The following ZFHX3 variants were observed in gnomAD, a reference collection of about 807,000 sequenced individuals.
The protein encoded by ZFHX3 is zinc finger homeobox protein 3.
ZFHX3 carries 42 observed loss-of-function variants against 279.1 expected under a neutral mutation model. That is an observed-to-expected ratio of 0.15 (90% CI 0.12 to 0.19). The LOEUF is 0.19. ZFHX3 is among the 10% of genes least tolerant of loss of function. ZFHX3 has a pLI of 1.00. For missense variants in ZFHX3, 4,981 were observed against 4,754.0 expected, an observed-to-expected ratio of 1.05 and a Z score of -1.40; for synonymous variants, 2,293 against 1,957.8, an observed-to-expected ratio of 1.17 and a Z score of -4.52.
chr16:73,272,502 T>C (rs796909102), intron 4 of ZFHX3, among the ~76,000 whole-genome samples: 15 of 152,326 alleles, frequency 9.8e-5, no homozygotes, highest in African/African-American at 3.6e-4. Flanking sequence ...CAGTTCCTAA[T>C]TCAATTTCTT....
chr16:72,858,391 T>A (rs563102101), intron 4 of ZFHX3, among the ~76,000 whole-genome samples: 38 of 152,320 alleles, frequency 2.5e-4, no homozygotes, highest in African/African-American at 8.9e-4. Flanking sequence ...TGGCTTTTTG[T>A]AACCCCCTTA....
intron 2 of ZFHX3, among the ~76,000 whole-genome samples, chr16:73,462,136 T>C (rs2018482477): frequency 6.6e-6 from 1 of 152,198 alleles, no homozygotes; most frequent in Admixed American, 6.5e-5. Flanking sequence ...ATGATGTATT[T>C]TTAATTTGGT....
At chr16:73,834,319 T>C (rs919957833) in intron 1 of ZFHX3, among the ~76,000 whole-genome samples, 7 of 152,202 alleles carry the variant, frequency 4.6e-5, no homozygotes, top group Admixed American at 3.3e-4. Flanking sequence ...TGAAGGATCA[T>C]TTCTTTACTC....
intron 1 of ZFHX3, among the ~76,000 whole-genome samples, chr16:73,714,513 G>A (rs1287182642): frequency 6.6e-6 from 1 of 152,158 alleles, no homozygotes; most frequent in African/African-American, 2.4e-5. Context: ...GTGTCCTCAA[G>A]TCTCCATCCA....
At chr16:73,715,028 C>G (rs1033972594) in intron 1 of ZFHX3, among the ~76,000 whole-genome samples, 2 of 152,212 alleles carry the variant, frequency 1.3e-5, no homozygotes, top group African/African-American at 4.8e-5. Context: ...GCCCTCCCTA[C>G]CCCCATGAAG....
At chr16:72,820,029 A>G (rs2036741954) in intron 5 of ZFHX3, among the ~76,000 whole-genome samples, 1 of 152,190 alleles carries the variant, frequency 6.6e-6, no homozygotes, top group Non-Finnish European at 1.5e-5. Flanking sequence ...AGGCACCTGC[A>G]GGCCTCAGCA....
At chr16:73,313,709 G>C (rs149437552) in intron 4 of ZFHX3, among the ~76,000 whole-genome samples, 2 of 152,300 alleles carry the variant, frequency 1.3e-5, no homozygotes, top group South Asian at 2.1e-4. Context: ...CATGTACACA[G>C]CCCACACTAT....
chr16:73,454,851 A>G (rs2018344708), intron 3 of ZFHX3, among the ~76,000 whole-genome samples: 1 of 152,090 alleles, frequency 6.6e-6, no homozygotes, highest in African/African-American at 2.4e-5. Context: ...AGACTTTTCC[A>G]TCATTTATGA....
chr16:73,093,674 T>C (rs1310481437), intron 7 of ZFHX3: 1 of 409,878 alleles, frequency 2.4e-6, no homozygotes, highest in Non-Finnish European at 5.0e-6. Context: ...ATTACAGCGC[T>C]GATTAAATAC....
chr16:73,259,690 A>G (rs545154198), intron 4 of ZFHX3, among the ~76,000 whole-genome samples: 1 of 152,356 alleles, frequency 6.6e-6, no homozygotes, highest in South Asian at 2.1e-4. Flanking sequence ...TAATTTCAAA[A>G]TTATAGAAAA....
At chr16:73,623,898 C>A (rs2052392149) in intron 2 of ZFHX3, among the ~76,000 whole-genome samples, 1 of 152,150 alleles carries the variant, frequency 6.6e-6, no homozygotes, top group Admixed American at 6.5e-5. Context: ...TATTAATGAA[C>A]CAATCATGTT....
chr16:73,149,773 A>G (rs533803563), intron 5 of ZFHX3, among the ~76,000 whole-genome samples: 49 of 152,328 alleles, frequency 3.2e-4, no homozygotes, highest in Non-Finnish European at 6.3e-4. Context: ...ATGTGAAAGA[A>G]ACAATAATTA....
At chr16:72,862,446 G>A (rs2037911309) in intron 4 of ZFHX3, among the ~76,000 whole-genome samples, 1 of 152,182 alleles carries the variant, frequency 6.6e-6, no homozygotes, top group African/African-American at 2.4e-5. Flanking sequence ...TATTTAATGA[G>A]GAAAGCTTTC....
chr16:73,739,721 G>T (rs1374745924), intron 1 of ZFHX3, among the ~76,000 whole-genome samples: 2 of 152,168 alleles, frequency 1.3e-5, no homozygotes, highest in South Asian at 4.1e-4. Context: ...TATCCTGAAG[G>T]CCAAACAATC....
chr16:73,023,546 C>T (rs1354939367), intron 1 of ZFHX3, among the ~76,000 whole-genome samples: 6 of 152,210 alleles, frequency 3.9e-5, no homozygotes, highest in East Asian at 1.9e-4. Flanking sequence ...CCAATGCCCC[C>T]GGCTCCCTCC....
Position 72,950,456 on chromosome 16 carries a change from A to C in ZFHX3, c.3216+13T>G. On this transcript the variant is annotated intron_variant, in intron 3 of 9. Coordinates refer to ENST00000268489, the MANE Select transcript of ZFHX3 (RefSeq NM_006885.4). ...CAGAAAGAGCGCCTGAGCCATAAGG[A>C]GCTGGGCCTTACCTTGTACAACTTC... The C allele has an allele frequency of 6.2e-7, 1 of 1,610,262 alleles. No individual in the cohort carries two copies. Among genetic ancestry groups the C allele is most frequent in the South Asian group, 1.1e-5 (1 of 90,944 alleles).
At chr16:73,276,157 T>C (rs2014294667) in intron 4 of ZFHX3, among the ~76,000 whole-genome samples, 1 of 151,636 alleles carries the variant, frequency 6.6e-6, no homozygotes, top group Non-Finnish European at 1.5e-5. Flanking sequence ...GGGCTGTATT[T>C]CTTTTCTTCC....
At chr16:73,529,926 A>C (rs1487135487) in intron 2 of ZFHX3, among the ~76,000 whole-genome samples, 2 of 93,276 alleles carry the variant, frequency 2.1e-5, no homozygotes, top group Non-Finnish European at 4.2e-5. Flanking sequence ...CTCTATGAGG[A>C]AGTATTTTGG....
chr16:73,778,799 T>C (rs1476864262), intron 1 of ZFHX3, among the ~76,000 whole-genome samples: 2 of 152,082 alleles, frequency 1.3e-5, no homozygotes, highest in Non-Finnish European at 2.9e-5. Flanking sequence ...ACACCAGAAA[T>C]CATATCAATC....
Sources: gnomAD v4.1 joint callset for allele counts (sites outside exome capture counted in the v4.1 genomes callset) on GRCh38, gnomAD v4.1.1 for gene constraint, MANE v1.5 for transcripts, NCBI Gene and HGNC (gene_info 2026-07-23, HGNC 2026-07-21) for gene names.